The following SLC24A3 variants were observed in gnomAD, a reference collection of about 807,000 sequenced individuals.
The protein encoded by SLC24A3 is sodium/potassium/calcium exchanger 3.
Under a neutral mutation model 75.8 loss-of-function variants are expected in SLC24A3, and 28 were observed. The observed-to-expected ratio is 0.37, with a 90% confidence interval of 0.27 to 0.51. The LOEUF (loss-of-function observed/expected upper bound fraction) is 0.51. Among genes scored for constraint, SLC24A3 ranks in the 20% least tolerant of loss-of-function variants. The pLI, the probability that SLC24A3 is intolerant of heterozygous loss-of-function variation, is 0.94. For synonymous variants in SLC24A3, 372 were observed against 334.1 expected, an observed-to-expected ratio of 1.11 and a Z score of -1.24; for missense variants, 663 against 847.8, an observed-to-expected ratio of 0.78 and a Z score of 2.71.
chr20:19,393,427 T>C (rs1986398949), intron 2 of SLC24A3, among the ~76,000 whole-genome samples: 1 of 152,146 alleles, frequency 6.6e-6, no homozygotes, highest in Non-Finnish European at 1.5e-5. Flanking sequence ...AAGGAAGTAG[T>C]AAAATTATAT....
intron 1 of SLC24A3, among the ~76,000 whole-genome samples, chr20:19,262,404 C>CAAAAAAA (rs58691860): frequency 1.3e-5 from 1 of 75,738 alleles, no homozygotes; most frequent in African/African-American, 5.4e-5. Flanking sequence ...GACTCCGTCT[C>CAAAAAAA]AAAAAAAAAA....
intron 2 of SLC24A3, among the ~76,000 whole-genome samples, chr20:19,423,410 C>T (rs772967799): frequency 6.6e-6 from 1 of 152,118 alleles, no homozygotes; most frequent in Admixed American, 6.6e-5. Flanking sequence ...GTAATTAGGA[C>T]AAAAGAAAAT....
chr20:19,612,607 AGTGTGT>A lies in SLC24A3; in HGVS notation c.612+27092_612+27097del, dbSNP rs71198018. The stretch of plus-strand genomic sequence containing the variant: ...ATAAAACTCAAGAACCCTTAAGAAA[AGTGTGT>A]GTGTGTGTGTGTGTGTGTGTGTGTG... On this transcript the variant is annotated intron_variant, in intron 6 of 16. Coordinates refer to ENST00000328041, the MANE Select transcript of SLC24A3 (RefSeq NM_020689.4). Among the ~76,000 whole-genome samples the A allele has an allele frequency of 5.9e-4, 87 of 146,938 alleles. 1 individual carries two copies. The East Asian group carries it at 9.3e-3, about 16-fold the overall frequency.
chr20:19,445,674 C>A (rs8117279), intron 2 of SLC24A3, among the ~76,000 whole-genome samples: 12,592 of 152,116 alleles, frequency 0.083, 1,664 homozygotes, highest in African/African-American at 0.28. Context: ...TAGTTAAGAG[C>A]AGACAACAGG....
chr20:19,609,523 G>A (rs1414641283), intron 6 of SLC24A3, among the ~76,000 whole-genome samples: 3 of 151,996 alleles, frequency 2.0e-5, no homozygotes, highest in Admixed American at 2.0e-4. Context: ...TAGGTTTTAA[G>A]CCCCGCATGC....
In SLC24A3 at chr20:19,446,857, G is replaced by A. The variant is rs377133987; in HGVS notation, c.272-68631G>A. Among the ~76,000 whole-genome samples, 9 of 152,302 alleles carry A rather than the reference G, an allele frequency of 5.9e-5. No individual in the cohort carries two copies. In the East Asian group the frequency reaches 1.3e-3, roughly 23 times the overall value. Reference sequence around the variant, plus strand: ...GCTTTCGCGTGCACCTGCAGTGCTCGTCGTCAGCTGCAGCCCATGTCTGCC... The same window carrying A: ...GCTTTCGCGTGCACCTGCAGTGCTCATCGTCAGCTGCAGCCCATGTCTGCC... On this transcript the variant is annotated intron_variant, in intron 2 of 16. Coordinates refer to ENST00000328041, the MANE Select transcript of SLC24A3 (RefSeq NM_020689.4).
Position 19,610,277 on chromosome 20 carries a change from T to C in SLC24A3, c.612+24733T>C, listed in dbSNP as rs369679916. ...GTTGTTTCAGTTACAAAGGAAAACA[T>C]TGGGATCTCCTAGGTACAATTTTGC... is the stretch of plus-strand genomic sequence containing the variant. On this transcript the variant is annotated intron_variant, in intron 6 of 16. Coordinates refer to ENST00000328041, the MANE Select transcript of SLC24A3 (RefSeq NM_020689.4). 1.2e-3 allele frequency among the ~76,000 whole-genome samples: 189 copies of C among 152,330 alleles called. 4 individuals carry two copies. Among genetic ancestry groups the C allele is most frequent in the East Asian group, 5.8e-4 (3 of 5,180 alleles).
chr20:19,381,964 A>G (rs1279456043), intron 2 of SLC24A3, among the ~76,000 whole-genome samples: 2 of 152,208 alleles, frequency 1.3e-5, no homozygotes, highest in Non-Finnish European at 2.9e-5. Context: ...AAGGAAATAC[A>G]GCTTTGGATA....
At chr20:19,481,563 A>T (rs6035353) in intron 2 of SLC24A3, among the ~76,000 whole-genome samples, 6 of 152,000 alleles carry the variant, frequency 3.9e-5, no homozygotes, top group Non-Finnish European at 7.4e-5. Context: ...GGGTGCCTGG[A>T]GAAACGGTGG....
chr20:19,268,611 T>C (rs185141029), intron 1 of SLC24A3, among the ~76,000 whole-genome samples: 19 of 152,316 alleles, frequency 1.2e-4, no homozygotes, highest in African/African-American at 3.6e-4. Flanking sequence ...GAAACCCAAA[T>C]TGACACATCA....
At chr20:19,471,709 A>G (rs1272027343) in intron 2 of SLC24A3, among the ~76,000 whole-genome samples, 1 of 152,176 alleles carries the variant, frequency 6.6e-6, no homozygotes, top group Non-Finnish European at 1.5e-5. Context: ...TGAAGAAAAG[A>G]AAGTGTGTAG....
At chr20:19,346,691 G>T (rs963589487) in intron 2 of SLC24A3, among the ~76,000 whole-genome samples, 1 of 152,040 alleles carries the variant, frequency 6.6e-6, no homozygotes, top group Non-Finnish European at 1.5e-5. Flanking sequence ...GAACTCAGGG[G>T]AAAGGGTGGG....
chr20:19,622,126 A>T (rs548098599), intron 6 of SLC24A3, among the ~76,000 whole-genome samples: 1 of 152,338 alleles, frequency 6.6e-6, no homozygotes, highest in South Asian at 2.1e-4. Context: ...TCAGTGCATG[A>T]TTGCACTAAA....
intron 2 of SLC24A3, among the ~76,000 whole-genome samples, chr20:19,371,688 C>G (rs941212187): frequency 6.6e-6 from 1 of 152,064 alleles, no homozygotes; most frequent in African/African-American, 2.4e-5. Flanking sequence ...ATTTCCCTAC[C>G]TTTTTTGGGG....
At chr20:19,268,633 A>G (rs1003094273) in intron 1 of SLC24A3, among the ~76,000 whole-genome samples, 2 of 152,296 alleles carry the variant, frequency 1.3e-5, no homozygotes, top group East Asian at 3.9e-4. Context: ...CAAGATGACA[A>G]ATTTCTGCTA....
intron 9 of SLC24A3, among the ~76,000 whole-genome samples, chr20:19,678,521 C>G (rs1159591171): frequency 7.1e-6 from 1 of 140,194 alleles, no homozygotes; most frequent in Non-Finnish European, 1.5e-5. Flanking sequence ...GGCTGACCCC[C>G]CAACCTCCCT....
intron 6 of SLC24A3, among the ~76,000 whole-genome samples, chr20:19,651,957 A>C (rs890075984): frequency 1.3e-5 from 2 of 152,024 alleles, no homozygotes; most frequent in African/African-American, 4.8e-5. Flanking sequence ...GTTTTCTGGA[A>C]CTTCAATTCT....
rs55673379 is a variant in SLC24A3, at chr20:19,252,182, T to G, written c.143-28777T>G. ...TTACAACCATCTCGGGCAAATATTG[T>G]TCCTCTTGACAGAGTGGGCCATGTT... is the stretch of plus-strand genomic sequence containing the variant. On this transcript the variant is annotated intron_variant, in intron 1 of 16. Coordinates refer to ENST00000328041, the MANE Select transcript of SLC24A3 (RefSeq NM_020689.4). 7.8e-3 allele frequency among the ~76,000 whole-genome samples: 1,183 copies of G among 152,310 alleles called. 16 individuals are homozygous for G. Among genetic ancestry groups the G allele is most frequent in the African/African-American group, 0.027 (1,112 of 41,562 alleles).
intron 2 of SLC24A3, among the ~76,000 whole-genome samples, chr20:19,354,584 G>C (rs2143851): frequency 0.43 from 57,776 of 134,984 alleles, 11,871 homozygotes; most frequent in Middle Eastern, 0.54. Context: ...TAAAAAATTT[G>C]TGTATGTGTG....
Sources: allele counts gnomAD v4.1 joint callset (sites outside exome capture counted in the v4.1 genomes callset), GRCh38; gene constraint gnomAD v4.1.1; transcripts MANE v1.5; gene names NCBI Gene and HGNC (gene_info 2026-07-23, HGNC 2026-07-21).